The following RBMS3 variants were observed in gnomAD, a reference collection of about 807,000 sequenced individuals.
RBMS3 encodes RNA binding motif single stranded interacting protein 3.
In RBMS3, 27 loss-of-function variants were observed where a neutral mutation model predicts 66.8. The observed-to-expected ratio is 0.40, with a 90% CI of 0.30 to 0.56. The LOEUF (loss-of-function observed/expected upper bound fraction) is 0.56, where lower values mean the gene tolerates loss of function less well. Among genes scored for constraint, RBMS3 ranks in the 20% least tolerant of loss-of-function variants. The pLI is 0.40. For missense variants in RBMS3, 513 were observed against 549.5 expected, an observed-to-expected ratio of 0.93 and a Z score of 0.66; for synonymous variants, 188 against 183.0, an observed-to-expected ratio of 1.03 and a Z score of -0.22.
intron 4 of RBMS3, chr3:29,697,146 A>C (rs2052317097): frequency 1.0e-6 from 1 of 974,672 alleles, no homozygotes; most frequent in African/African-American, 1.8e-5. Flanking sequence ...TTATACAGTA[A>C]TATGGATCTA....
At chr3:29,402,033 G>A (rs1435374722) in intron 1 of RBMS3, among the ~76,000 whole-genome samples, 1 of 152,008 alleles carries the variant, frequency 6.6e-6, no homozygotes, top group Non-Finnish European at 1.5e-5. Context: ...CCAAGCTGGT[G>A]TGTGTTAGTT....
chr3:29,596,980 G>A (rs528036174), intron 4 of RBMS3, among the ~76,000 whole-genome samples: 2 of 152,230 alleles, frequency 1.3e-5, no homozygotes, highest in Non-Finnish European at 2.9e-5. Context: ...CCTAATTCCT[G>A]AGCTCACAAA....
chr3:29,366,719 G>T (rs1220495962), intron 1 of RBMS3, among the ~76,000 whole-genome samples: 1 of 152,024 alleles, frequency 6.6e-6, no homozygotes, highest in African/African-American at 2.4e-5. Context: ...GTATCTCTGG[G>T]GCCAAGAGTT....
intron 4 of RBMS3, among the ~76,000 whole-genome samples, chr3:29,727,049 A>G (rs565648308): frequency 4.6e-5 from 7 of 152,172 alleles, no homozygotes; most frequent in Non-Finnish European, 1.0e-4. Flanking sequence ...CAGAGGCCTC[A>G]GAAATAACAC....
intron 3 of RBMS3, among the ~76,000 whole-genome samples, chr3:29,571,376 A>G (rs1039976774): frequency 1.3e-5 from 2 of 151,692 alleles, no homozygotes; most frequent in African/African-American, 4.8e-5. Context: ...TGTTTCTCCA[A>G]TGTTTTCTTT....
At chr3:29,458,756 T>C (rs2042277231) in intron 2 of RBMS3, among the ~76,000 whole-genome samples, 1 of 152,298 alleles carries the variant, frequency 6.6e-6, no homozygotes, top group African/African-American at 2.4e-5. Context: ...TGGAAGAGCA[T>C]TTAAATTGTT....
rs202066387 is a variant in RBMS3, at chr3:29,615,659, TGA to T, written c.399+28456_399+28457del. Reference sequence around the variant, plus strand: ...GGGGTGCTGAGGTAAAAAGACTACTTGAGTCCAAAAATTTGAGATCAGCCTGG... The same window carrying T: ...GGGGTGCTGAGGTAAAAAGACTACTTGTCCAAAAATTTGAGATCAGCCTGG... On this transcript the variant is annotated intron_variant, in intron 4 of 14. Coordinates refer to ENST00000383767, the MANE Select transcript of RBMS3 (RefSeq NM_001003793.3). 3.4e-3 allele frequency among the ~76,000 whole-genome samples: 519 copies of T among 152,292 alleles called. 4 individuals carry two copies. Among genetic ancestry groups the T allele is most frequent in the African/African-American group, 0.012 (487 of 41,558 alleles).
chr3:29,546,108 TTGTGTGTG>T (rs71091070), intron 3 of RBMS3, among the ~76,000 whole-genome samples: 2,656 of 146,018 alleles, frequency 0.018, 33 homozygotes, highest in African/African-American at 0.024. Context: ...TGAGACGGGT[TTGTGTGTG>T]TGTGTGTGTG....
At chr3:29,645,784 A>G (rs780650844) in intron 4 of RBMS3, among the ~76,000 whole-genome samples, 11 of 152,236 alleles carry the variant, frequency 7.2e-5, no homozygotes, top group Non-Finnish European at 1.6e-4. Flanking sequence ...CATGGATGTC[A>G]TACATCCCAT....
At chr3:29,727,034 C>G (rs943260606) in intron 4 of RBMS3, among the ~76,000 whole-genome samples, 8 of 152,218 alleles carry the variant, frequency 5.3e-5, no homozygotes, top group East Asian at 1.9e-4. Context: ...ACCAGTGGAA[C>G]AGAACAGAGG....
chr3:29,524,185 C>A (rs2044981632), intron 3 of RBMS3, among the ~76,000 whole-genome samples: 1 of 152,038 alleles, frequency 6.6e-6, no homozygotes, highest in Non-Finnish European at 1.5e-5. Context: ...GGTTCATATA[C>A]CTCAACCAGT....
At chr3:29,620,888 T>G (rs2048843585) in intron 4 of RBMS3, among the ~76,000 whole-genome samples, 1 of 152,220 alleles carries the variant, frequency 6.6e-6, no homozygotes, top group African/African-American at 2.4e-5. Context: ...ACTGAAATAC[T>G]GTGATTAACC....
At chr3:29,992,540 TG>T (rs990344115) in intron 14 of RBMS3, among the ~76,000 whole-genome samples, 1 of 151,968 alleles carries the variant, frequency 6.6e-6, no homozygotes, top group Non-Finnish European at 1.5e-5. Context: ...CGGAGCAGCT[TG>T]CGGTGAGCAG....
chr3:29,587,395 G>A (rs1310370900), intron 4 of RBMS3, among the ~76,000 whole-genome samples, 190 bp downstream of exon 4: 1 of 151,458 alleles, frequency 6.6e-6, no homozygotes, highest in East Asian at 1.9e-4. Context: ...TTCTTGTTAG[G>A]GAAAGTAAGA....
chr3:29,809,572 A>G (rs1000652963), intron 6 of RBMS3, among the ~76,000 whole-genome samples: 7 of 152,006 alleles, frequency 4.6e-5, no homozygotes, highest in African/African-American at 1.7e-4. Context: ...AAATTTTATC[A>G]TATATTTGAT....
chr3:29,902,111 T>A (rs759473434), intron 10 of RBMS3, among the ~76,000 whole-genome samples: 1 of 151,830 alleles, frequency 6.6e-6, no homozygotes, highest in Non-Finnish European at 1.5e-5. Context: ...TTGGTTGAGC[T>A]CATTAGGACA....
At chr3:29,390,187 T>C (rs1224213918) in intron 1 of RBMS3, among the ~76,000 whole-genome samples, 1 of 152,202 alleles carries the variant, frequency 6.6e-6, no homozygotes, top group East Asian at 1.9e-4. Flanking sequence ...CTTTTTAAAC[T>C]CTTTTGAAAA....
At chr3:29,739,609 G>C in intron 4 of RBMS3, 111 bp from the exon 5 acceptor site, 1 of 1,010,280 alleles carries the variant, frequency 9.9e-7, no homozygotes, top group Non-Finnish European at 1.4e-6. Context: ...GCACTTTCAA[G>C]AGCATTTTGG....
chr3:29,572,238 CT>C (rs143380853), intron 3 of RBMS3, among the ~76,000 whole-genome samples: 8,247 of 152,052 alleles, frequency 0.054, 400 homozygotes, highest in African/African-American at 0.14. Flanking sequence ...AATTTGACTT[CT>C]TTCTTTGTCA....
Sources: gnomAD v4.1 joint callset for allele counts (sites outside exome capture counted in the v4.1 genomes callset) on GRCh38, gnomAD v4.1.1 for gene constraint, MANE v1.5 for transcripts, NCBI Gene and HGNC (gene_info 2026-07-23, HGNC 2026-07-21) for gene names.